LMTK3: variants seen among roughly 807,000 people sequenced by gnomAD.
LMTK3 encodes the protein lemur tail kinase 3, also known as serine/threonine-protein kinase LMTK3.
LMTK3 carries 27 observed loss-of-function variants against 116.7 expected under a neutral mutation model. The ratio of observed to expected loss-of-function variants is 0.23; its 90% CI spans 0.17 to 0.32. The LOEUF (loss-of-function observed/expected upper bound fraction) is 0.32. Among genes scored for constraint, LMTK3 ranks in the 10% least tolerant of loss-of-function variants. The pLI is 1.00. For missense variants in LMTK3, 1,764 were observed against 2,068.5 expected (o/e 0.85, Z 2.86); for synonymous variants, 965 against 971.0 (o/e 0.99, Z 0.11).
chr19:48,501,550 C>G lies in LMTK3; in HGVS notation c.807G>C (p.Leu269=), dbSNP rs748827797. The G allele has an allele frequency of 6.2e-7, 1 of 1,609,728 alleles. No homozygotes were observed. Among genetic ancestry groups the G allele is most frequent in the Non-Finnish European group, 8.5e-7 (1 of 1,178,532 alleles). Residue 269 remains leucine (L), a synonymous_variant, in exon 8 of 15, where the codon CTG becomes CTC. Transcript: ENST00000600059. ...GGTCAGAGGTCAGCAGGCAGTTGCG[C>G]AGGGCCAGGTCGCTGCGGGAAGAAC... ...SHNYVHSDLA[L]RNCLLTSDLT... is the part of the protein sequence containing the mutation.
rs767726813 is a variant in LMTK3, at chr19:48,497,988, T to C, written c.3081A>G (p.Pro1027=). The change falls in exon 11 of 15, where the codon CCA becomes CCG. Residue 1027 remains proline, a synonymous_variant. Transcript: ENST00000600059. This position sits in a 1 kb window ranked among gnomAD's most constrained non-coding sequence, Gnocchi z 5.7. ...RPPETGPWRA[P]GPWEKTPESW... is the part of the protein sequence containing the mutation. ...TCTCGGGCGTCTTCTCCCAGGGCCC[T>C]GGGGCTCTCCAAGGCCCAGTCTCTG... 2 of 1,608,954 alleles carry C rather than the reference T, an allele frequency of 1.2e-6. No individual in the cohort carries two copies. Among genetic ancestry groups the C allele is most frequent in the African/African-American group, 2.7e-5 (2 of 74,514 alleles).
chr19:48,489,078 CT>C (rs1972175082), intron 14 of LMTK3, among the ~76,000 whole-genome samples: 1 of 152,188 alleles, frequency 6.6e-6, no homozygotes, highest in Non-Finnish European at 1.5e-5. Context: ...GCCCTTTCCT[CT>C]TGTCATCTGC....
chr19:48,506,850 G>C (rs1224997345), intron 5 of LMTK3, among the ~76,000 whole-genome samples: 1 of 152,110 alleles, frequency 6.6e-6, no homozygotes, highest in East Asian at 1.9e-4. Context: ...ATTTTTAGTA[G>C]AGATGGGGTT....
At chr19:48,485,864 G>A (rs1569097270) in intron 14 of LMTK3, 75 bp from the exon 15 acceptor site, 6 of 1,452,934 alleles carry the variant, frequency 4.1e-6, no homozygotes. Flanking sequence ...TCACTCAGCG[G>A]AAAAGCAAAG....
At chr19:48,512,211 C>T (rs550781224), upstream of LMTK3, among the ~76,000 whole-genome samples, 1 of 152,210 alleles carries the variant, frequency 6.6e-6, no homozygotes, top group African/African-American at 2.4e-5. Flanking sequence ...ACAAGCGCAT[C>T]ACATACAAAG....
Position 48,500,907 on chromosome 19 carries a change from T to G in LMTK3, c.1151+89A>C. ...TGAGGGGTATGGAGGGCAAACGGGA[T>G]GTGGGTGATGTGGGAAACGAGGGGG... On this transcript the variant is annotated intron_variant, in intron 10 of 14. Transcript: ENST00000600059. This position sits in a 1 kb window ranked among gnomAD's most constrained non-coding sequence, Gnocchi z 4.0. 3.8e-6 allele frequency: 5 copies of G among 1,300,364 alleles called. No homozygotes were observed. Among genetic ancestry groups the G allele is most frequent in the Non-Finnish European group, 4.1e-6 (4 of 969,690 alleles). The allele number at this position is 1,300,364 out of a possible 1,614,324, so 80.6% of individuals were successfully genotyped here.
In LMTK3 at chr19:48,493,912, C is replaced by A; in HGVS notation, c.3874G>T (p.Ala1292Ser). The A allele has an allele frequency of 9.7e-7, 1 of 1,029,774 alleles. No individual in the cohort carries two copies. The highest frequency in any genetic ancestry group is 1.2e-6 in the Non-Finnish European group (1 of 862,584). The allele number at this position is 1,029,774 out of a possible 1,614,324, so 63.8% of individuals were successfully genotyped here. Residue 1292 changes from alanine (A) to serine (S), a missense_variant, in exon 12 of 15, where the codon GCG (alanine) becomes TCG (serine). Around this residue, in one of 7 missense-constraint regions of LMTK3, gnomAD observed 281 missense variants for 301.4 expected, o/e 0.93. Coordinates refer to ENST00000600059, the MANE Select transcript of LMTK3 (RefSeq NM_001388485.1). ...DEDEEEDEEA[A>S]APGAAAGPRG... The stretch of plus-strand genomic sequence containing the variant: ...GGCCCCGCCGCCGCGCCCGGCGCCG[C>A]CGCCTCCTCGTCCTCCTCCTCGTCC...
At chr19:48,505,574 T>A (rs1317169832) in intron 5 of LMTK3, among the ~76,000 whole-genome samples, 5 of 151,762 alleles carry the variant, frequency 3.3e-5, no homozygotes, top group Admixed American at 6.6e-5. Flanking sequence ...TTAAAAAAAA[T>A]ATATAGTCTG....
At chr19:48,493,457 C>T (rs1276104125) in intron 12 of LMTK3, among the ~76,000 whole-genome samples, 2 of 148,102 alleles carry the variant, frequency 1.4e-5, no homozygotes, top group African/African-American at 5.0e-5. Context: ...TCCCTCCAGG[C>T]CCCGCATCAC....
upstream of LMTK3, among the ~76,000 whole-genome samples, chr19:48,512,981 C>T (rs1972685428): frequency 6.6e-6 from 1 of 152,042 alleles, no homozygotes; most frequent in Non-Finnish European, 1.5e-5. Flanking sequence ...ATCACAAATA[C>T]ACACACCTTT....
rs866989575 is a variant in LMTK3 at position 48,493,759 on chromosome 19, C to A, written c.4027G>T (p.Glu1343Ter). ...PRGADEPEDS[E>*]LERKRKMVSF... is the part of the protein sequence containing the mutation. ...ACCATCTTGCGCTTCCTCTCCAGCTCGCTGTCCTCTGGCTCGTCGGCCCCG... is the reference window on the plus strand; with the variant it reads ...ACCATCTTGCGCTTCCTCTCCAGCTAGCTGTCCTCTGGCTCGTCGGCCCCG... The change falls in exon 12 of 15, where the codon GAG (glutamate) becomes TAG (stop). Residue 1343 changes from glutamate (E) to a stop codon, truncating the protein, a stop_gained. Coordinates refer to ENST00000600059, the MANE Select transcript of LMTK3 (RefSeq NM_001388485.1). LOFTEE classifies it high-confidence loss of function. 6.4e-7 allele frequency: 1 copy of A among 1,564,108 alleles called. No homozygotes were observed. Among genetic ancestry groups the A allele is most frequent in the East Asian group, 2.4e-5 (1 of 41,124 alleles).
rs1159687419 is a variant in LMTK3, at chr19:48,499,142, C to G, written c.1927G>C (p.Glu643Gln). 12 of 1,545,944 alleles carry G rather than the reference C, an allele frequency of 7.8e-6. No homozygotes were observed. Among genetic ancestry groups the G allele is most frequent in the Non-Finnish European group, 1.0e-5 (12 of 1,150,442 alleles). Reference protein sequence around the residue: ...GTAPWVEEEEEEEEGSSPGED... With the variant: ...GTAPWVEEEEQEEEGSSPGED... Reference sequence around the variant, plus strand: ...CCTGGGGAGCTGCCCTCCTCCTCCTCCTCTTCTTCTTCCACCCACGGGGCG... The same window carrying G: ...CCTGGGGAGCTGCCCTCCTCCTCCTGCTCTTCTTCTTCCACCCACGGGGCG... The change falls in exon 11 of 15, where the codon GAG (glutamate) becomes CAG (glutamine). Residue 643 changes from glutamate to glutamine, a missense_variant. By Grantham distance (29) the Glu-to-Gln change is conservative. Around this residue, in one of 7 missense-constraint regions of LMTK3, gnomAD observed 1,028 missense variants for 1,050.6 expected, o/e 0.98. Coordinates refer to ENST00000600059, the MANE Select transcript of LMTK3 (RefSeq NM_001388485.1).
rs1221628553 is a variant in LMTK3, at chr19:48,491,288, C to T, written c.4229-43G>A. ...ACCGCGGTCAGGCTGCAGACACCTG[C>T]GGCACTCCCGCCCTCTGGTCCCGCC... is the stretch of plus-strand genomic sequence containing the variant. On this transcript the variant is annotated intron_variant, in intron 13 of 14. Coordinates refer to ENST00000600059, the MANE Select transcript of LMTK3 (RefSeq NM_001388485.1). The surrounding 1 kb of genome is among the most constrained non-coding windows in gnomAD (Gnocchi z 5.1). 5.9e-6 allele frequency: 8 copies of T among 1,360,250 alleles called. No homozygotes were observed. Among genetic ancestry groups the T allele is most frequent in the South Asian group, 1.8e-5 (1 of 56,648 alleles). 84.3% of individuals were successfully genotyped at this position (1,360,250 alleles called of 1,614,324 possible).
chr19:48,510,375 C>A lies in LMTK3; in HGVS notation c.210+84G>T, dbSNP rs1186299239. 1.3e-6 allele frequency: 2 copies of A among 1,510,652 alleles called. 1 individual carries two copies. Among genetic ancestry groups the A allele is most frequent in the Middle Eastern group, 3.4e-4 (2 of 5,802 alleles). 93.6% of individuals were successfully genotyped at this position (1,510,652 alleles called of 1,614,324 possible). ...AAGGTGCTCTCGGATTTACTGCCCC[C>A]TTCTCCCCACCAACCACCTGTGTAG... On this transcript the variant is annotated intron_variant, in intron 2 of 14. Transcript: ENST00000600059.
Position 48,510,190 on chromosome 19 carries a change from A to G in LMTK3, c.211-17T>C. 6.2e-7 allele frequency: 1 copy of G among 1,605,894 alleles called. No individual in the cohort carries two copies. The highest frequency in any genetic ancestry group is 8.5e-7 in the Non-Finnish European group (1 of 1,173,524). On this transcript the variant is annotated splice_polypyrimidine_tract_variant and intron_variant, in intron 2 of 14. Coordinates refer to ENST00000600059, the MANE Select transcript of LMTK3 (RefSeq NM_001388485.1). ...CTCAAATTCCTGGGGCCAGGAGAGG[A>G]GAAGAGGGGTGGGAGAACGCAGGGC...
rs1281471602 is a variant in LMTK3 at position 48,501,287 on chromosome 19, T to C, written c.997A>G (p.Ile333Val). ...MVVDQSRESN[I>V]WSLGVTLWEL... ...CCCGCGGCCCGTGGTCCTCACCAGATGTTGCTCTCGCGGCTCTGGTCCACC... is the reference window on the plus strand; with the variant it reads ...CCCGCGGCCCGTGGTCCTCACCAGACGTTGCTCTCGCGGCTCTGGTCCACC... Residue 333 changes from isoleucine (I) to valine (V), a missense_variant, in exon 9 of 15, where the codon ATC becomes GTC. Ile to Val is a conservative substitution (Grantham distance 29). Around this residue, in one of 7 missense-constraint regions of LMTK3, gnomAD observed 271 missense variants for 478.2 expected, o/e 0.57. Transcript: ENST00000600059. The C allele has an allele frequency of 1.2e-5, 20 of 1,613,510 alleles. No homozygotes were observed. The highest frequency in any genetic ancestry group is 1.7e-5 in the Non-Finnish European group (20 of 1,179,716).
At position 48,511,534 on chromosome 19, in the gene LMTK3, C is replaced by G; in HGVS notation, c.43G>C (p.Ala15Pro). 2.8e-6 allele frequency: 4 copies of G among 1,415,240 alleles called. No homozygotes were observed. Among genetic ancestry groups the G allele is most frequent in the Non-Finnish European group, 3.7e-6 (4 of 1,069,664 alleles). The allele number at this position is 1,415,240 out of a possible 1,614,324, so 87.7% of individuals were successfully genotyped here. A position where few individuals can be genotyped will look rare whatever the true frequency, so the allele number is the denominator to read the frequency against. ...GALILLAAVS[A>P]SGCLASPAHP... Reference sequence around the variant, plus strand: ...GCCGGGGACGCCAGGCAGCCGGAGGCGGAGACGGCCGCAAGGAGGATGAGG... The same window carrying G: ...GCCGGGGACGCCAGGCAGCCGGAGGGGGAGACGGCCGCAAGGAGGATGAGG... Residue 15 changes from alanine (A) to proline (P), a missense_variant, in exon 1 of 15, where the codon GCC (alanine) becomes CCC (proline). Ala to Pro is a conservative substitution (Grantham distance 27, BLOSUM62 -1). This residue lies in a region of LMTK3 where 66 missense variants were observed against 61.1 expected (regional missense o/e 1.08). Transcript: ENST00000600059.
Position 48,491,574 on chromosome 19 carries a change from CA to C in LMTK3, c.4093-36del. On this transcript the variant is annotated intron_variant, in intron 12 of 14. Transcript: ENST00000600059. This position sits in a 1 kb window ranked among gnomAD's most constrained non-coding sequence, Gnocchi z 5.1. Reference sequence around the variant, plus strand: ...CAGATTAGGGGGAAGCCAGAGGGGACAAACCTTCACGTCCCATTTACCGCAT... The same window carrying C: ...CAGATTAGGGGGAAGCCAGAGGGGACAACCTTCACGTCCCATTTACCGCAT... 1 of 1,319,084 alleles carries C rather than the reference CA, an allele frequency of 7.6e-7. No homozygotes were observed. Among genetic ancestry groups the C allele is most frequent in the Non-Finnish European group, 9.7e-7 (1 of 1,025,842 alleles). 81.7% of individuals were successfully genotyped at this position (1,319,084 alleles called of 1,614,324 possible).
chr19:48,512,993 A>T (rs1462400705), upstream of LMTK3: 1 of 701,876 alleles, frequency 1.4e-6, no homozygotes, highest in Non-Finnish European at 2.6e-6. Flanking sequence ...CACACCTTTC[A>T]CACAAGGTTA....
Sources: gnomAD v4.1 joint callset for allele counts (sites outside exome capture counted in the v4.1 genomes callset) on GRCh38, gnomAD v4.1.1 for gene constraint, gnomAD v4.1.1 regional missense constraint, Gnocchi (gnomAD v3.1) non-coding constraint, MANE v1.5 for transcripts, NCBI Gene and HGNC (gene_info 2026-07-23, HGNC 2026-07-21) for gene names.